The following SORCS1 variants were observed in gnomAD, a reference collection of about 807,000 sequenced individuals.
SORCS1 encodes sortilin related VPS10 domain containing receptor 1.
In SORCS1, 60 loss-of-function variants were observed where a neutral mutation model predicts 146.1. That is an observed-to-expected ratio of 0.41 (90% CI 0.33 to 0.51). The LOEUF is 0.51. Ranked by LOEUF, SORCS1 falls within the 20% of genes least tolerant of loss-of-function variation. SORCS1 has a pLI of 0.21. For missense variants in SORCS1, 1,352 were observed against 1,487.6 expected, an observed-to-expected ratio of 0.91 and a Z score of 1.50; for synonymous variants, 637 against 584.0, an observed-to-expected ratio of 1.09 and a Z score of -1.31.
intron 1 of SORCS1, among the ~76,000 whole-genome samples, chr10:107,133,938 C>G (rs937803903): frequency 1.3e-5 from 2 of 152,188 alleles, no homozygotes; most frequent in Non-Finnish European, 2.9e-5. Flanking sequence ...GACTGCTGAA[C>G]GAAGAAAACA....
In SORCS1 at chr10:106,574,437, G is replaced by A. The variant is rs983899435; in HGVS notation, c.*2983C>T. The A allele has an allele frequency of 6.6e-6, 1 of 152,562 alleles. No homozygotes were observed. Among genetic ancestry groups the A allele is most frequent in the African/African-American group, 2.4e-5 (1 of 41,410 alleles). The allele number at this position is 152,562 out of a possible 1,614,324, so 9.5% of individuals were successfully genotyped here. On this transcript the variant is annotated 3_prime_UTR_variant, in exon 26 of 26. Coordinates refer to ENST00000263054, the MANE Select transcript of SORCS1 (RefSeq NM_052918.5). The stretch of plus-strand genomic sequence containing the variant: ...TGTTTGCACCTGCGATTAGCGAGTA[G>A]GTAGGCACTTAGGTCCCTCCCATTT...
chr10:106,598,236 ATATTATTATTAT>A (rs10579142), intron 23 of SORCS1, among the ~76,000 whole-genome samples: 4,378 of 140,466 alleles, frequency 0.031, 212 homozygotes, highest in African/African-American at 0.1. Context: ...CACTCCTATT[ATATTATTATTAT>A]TATTATTATT....
chr10:106,684,524 A>G (rs1852680061), intron 10 of SORCS1, among the ~76,000 whole-genome samples: 1 of 152,172 alleles, frequency 6.6e-6, no homozygotes, highest in Non-Finnish European at 1.5e-5. Flanking sequence ...GTAATATTCT[A>G]TCTAATTGTA....
intron 1 of SORCS1, among the ~76,000 whole-genome samples, chr10:107,161,029 A>G (rs370634305): frequency 1.3e-5 from 2 of 152,224 alleles, no homozygotes; most frequent in East Asian, 3.9e-4. Context: ...TGTTCCACCA[A>G]CTCTAGCAAC....
intron 1 of SORCS1, among the ~76,000 whole-genome samples, chr10:107,109,124 A>G (rs897780019): frequency 2.6e-5 from 4 of 152,184 alleles, no homozygotes; most frequent in African/African-American, 9.6e-5. Flanking sequence ...TTCCAGGGGC[A>G]TGGTGCAAGC....
chr10:106,959,685 G>A (rs554197382), intron 1 of SORCS1, among the ~76,000 whole-genome samples: 7 of 152,212 alleles, frequency 4.6e-5, no homozygotes, highest in South Asian at 2.1e-4. Context: ...GTTTGCTTTC[G>A]TTTTTGTTTT....
At chr10:107,091,247 C>A (rs1446933474) in intron 1 of SORCS1, among the ~76,000 whole-genome samples, 1 of 152,226 alleles carries the variant, frequency 6.6e-6, no homozygotes, top group Non-Finnish European at 1.5e-5. Context: ...TGAGCCTTCC[C>A]TGATAAATCC....
chr10:106,852,240 G>A (rs147648045), intron 2 of SORCS1, among the ~76,000 whole-genome samples: 67 of 152,172 alleles, frequency 4.4e-4, no homozygotes, highest in African/African-American at 1.6e-3. Context: ...AGATATTCTT[G>A]CCTTGTTCTG....
chr10:107,072,606 C>CAT (rs1962529819), intron 1 of SORCS1, among the ~76,000 whole-genome samples: 1 of 148,562 alleles, frequency 6.7e-6, no homozygotes, highest in African/African-American at 2.6e-5. Flanking sequence ...TACATACATA[C>CAT]ACATATATAT....
At chr10:106,671,481 T>C (rs1564841006) in intron 15 of SORCS1, 114 bp from the exon 16 acceptor site, 2 of 1,445,672 alleles carry the variant, frequency 1.4e-6, no homozygotes, top group Non-Finnish European at 1.9e-6. Context: ...TAAACTTTGG[T>C]AGCCCTCTTT....
intron 2 of SORCS1, among the ~76,000 whole-genome samples, chr10:106,909,605 G>A (rs187301347): frequency 1.0e-3 from 158 of 152,306 alleles, no homozygotes; most frequent in African/African-American, 3.7e-3. Context: ...AGTAGGGGGT[G>A]GTGGTGTGTG....
intron 2 of SORCS1, among the ~76,000 whole-genome samples, chr10:106,929,973 G>A (rs972738767): frequency 5.3e-5 from 8 of 152,236 alleles, no homozygotes; most frequent in African/African-American, 9.6e-5. Context: ...ATGGCCGGGC[G>A]CAGTGGCGCA....
chr10:106,751,677 C>G (rs1263037861), intron 5 of SORCS1, among the ~76,000 whole-genome samples: 2 of 152,124 alleles, frequency 1.3e-5, no homozygotes, highest in Admixed American at 1.3e-4. Context: ...ATTTAGAATT[C>G]TGGCATTTTC....
intron 5 of SORCS1, among the ~76,000 whole-genome samples, chr10:106,734,542 T>G (rs10884346): frequency 0.42 from 63,808 of 151,646 alleles, 13,401 homozygotes; most frequent in South Asian, 0.46. Context: ...ATGCCACAGA[T>G]AGATTAGCAA....
chr10:106,927,062 A>C (rs1425645025), intron 2 of SORCS1, among the ~76,000 whole-genome samples: 1 of 152,190 alleles, frequency 6.6e-6, no homozygotes, highest in Non-Finnish European at 1.5e-5. Flanking sequence ...TGAGAGTGAC[A>C]GGATAGAAAA....
chr10:106,782,323 T>C (rs774349240), intron 3 of SORCS1, among the ~76,000 whole-genome samples: 2 of 152,180 alleles, frequency 1.3e-5, no homozygotes, highest in African/African-American at 4.8e-5. Flanking sequence ...TGGAGTGCAG[T>C]TGAATGATCA....
At chr10:106,996,225 T>TAAAA (rs376245294) in intron 1 of SORCS1, among the ~76,000 whole-genome samples, 7 of 99,672 alleles carry the variant, frequency 7.0e-5, no homozygotes, top group African/African-American at 1.7e-4. Context: ...AGACTCCATC[T>TAAAA]AAAAAAAAAA....
At chr10:106,748,797 T>C (rs1032046843) in intron 5 of SORCS1, among the ~76,000 whole-genome samples, 1 of 152,164 alleles carries the variant, frequency 6.6e-6, no homozygotes, top group African/African-American at 2.4e-5. Context: ...TTCTCCCACA[T>C]TTACCTATGT....
At chr10:107,016,230 C>T (rs1198008784) in intron 1 of SORCS1, among the ~76,000 whole-genome samples, 1 of 152,262 alleles carries the variant, frequency 6.6e-6, no homozygotes, top group East Asian at 1.9e-4. Context: ...AAAGGTTGCA[C>T]TGTAGAATAG....
Sources: gnomAD v4.1 joint callset for allele counts (sites outside exome capture counted in the v4.1 genomes callset) on GRCh38, gnomAD v4.1.1 for gene constraint, MANE v1.5 for transcripts, NCBI Gene and HGNC (gene_info 2026-07-23, HGNC 2026-07-21) for gene names.